The following SEC24A variants were observed in gnomAD, a reference collection of about 807,000 sequenced individuals.
SEC24A encodes SEC24 homolog A, COPII component.
In SEC24A, 93 loss-of-function variants were observed where a neutral mutation model predicts 129.4. The observed-to-expected ratio is 0.72, with a 90% confidence interval of 0.61 to 0.85. The LOEUF (loss-of-function observed/expected upper bound fraction) is 0.85, where lower values mean the gene tolerates loss of function less well. Ranked by LOEUF, SEC24A falls within the 40% of genes least tolerant of loss-of-function variation. The probability of loss-of-function intolerance (pLI) is 0.00; values close to 1 mark genes in which losing one functional copy is unlikely to be tolerated. For missense variants in SEC24A, 1,264 were observed against 1,307.4 expected (o/e 0.97, Z 0.51); for synonymous variants, 460 against 467.3 (o/e 0.98, Z 0.20).
intron 9 of SEC24A, 114 bp downstream of exon 9, chr5:134,682,596 C>T (rs1227739605): frequency 2.1e-5 from 12 of 562,240 alleles, no homozygotes; most frequent in Non-Finnish European, 3.5e-5. Flanking sequence ...GACAGAGTTT[C>T]ACTCTCATTG....
At chr5:134,697,461 G>A (rs568957841) in intron 14 of SEC24A, among the ~76,000 whole-genome samples, 5 of 152,220 alleles carry the variant, frequency 3.3e-5, no homozygotes, top group South Asian at 4.2e-4. Flanking sequence ...AATGCAGGCC[G>A]GGTATGATGG....
At position 134,691,502 on chromosome 5, in the gene SEC24A, CT is replaced by C. The variant is rs557222613; in HGVS notation, c.1724-1085del. On this transcript the variant is annotated intron_variant, in intron 11 of 22. Coordinates refer to ENST00000398844, the MANE Select transcript of SEC24A (RefSeq NM_021982.3). Reference sequence around the variant, plus strand: ...TTTTAAAGGCACTGGTGTGGGCCTTCTTTTTTTTTTTTTTTGAGACGAGTCT... The same window carrying C: ...TTTTAAAGGCACTGGTGTGGGCCTTCTTTTTTTTTTTTTTGAGACGAGTCT... 2.3e-3 allele frequency among the ~76,000 whole-genome samples: 289 copies of C among 125,340 alleles called. 1 individual carries two copies. The highest frequency in any genetic ancestry group is 2.5e-3 in the Non-Finnish European group (145 of 58,300). The allele number at this position is 125,340 out of a possible 152,430, so 82.2% of individuals were successfully genotyped here.
chr5:134,652,906 T>C (rs1352292053), intron 1 of SEC24A, among the ~76,000 whole-genome samples: 1 of 152,112 alleles, frequency 6.6e-6, no homozygotes, highest in African/African-American at 2.4e-5. Flanking sequence ...GCCATTCTCT[T>C]GCCTCAGCCT....
At chr5:134,694,975 A>G (rs929695225) in intron 13 of SEC24A, among the ~76,000 whole-genome samples, 14 of 152,136 alleles carry the variant, frequency 9.2e-5, no homozygotes, top group Non-Finnish European at 7.4e-5. Context: ...TATACTGGGT[A>G]TGGTATCATT....
Position 134,725,184 on chromosome 5 carries a change from TTG to T in SEC24A, c.*93_*94del. On this transcript the variant is annotated 3_prime_UTR_variant, in exon 23 of 23. Coordinates refer to ENST00000398844, the MANE Select transcript of SEC24A (RefSeq NM_021982.3). ...GTAATACCTTCTTTTTCTATTATGTTTGTGGACTAATGTGATGATTGAGATGT... is the reference window on the plus strand; with the variant it reads ...GTAATACCTTCTTTTTCTATTATGTTTGGACTAATGTGATGATTGAGATGT... 1 of 680,346 alleles carries T rather than the reference TTG, an allele frequency of 1.5e-6. No homozygotes were observed. The highest frequency in any genetic ancestry group is 1.8e-5 in the South Asian group (1 of 54,058). The allele number at this position is 680,346 out of a possible 1,614,324, so 42.1% of individuals were successfully genotyped here.
At chr5:134,681,451 TG>T (rs1751270440) in intron 8 of SEC24A, among the ~76,000 whole-genome samples, 2 of 151,152 alleles carry the variant, frequency 1.3e-5, no homozygotes, top group African/African-American at 2.4e-5. Flanking sequence ...TTTGTGTGTG[TG>T]TGTGTGTGTG....
chr5:134,693,082 G>A, intron 12 of SEC24A: 2 of 1,535,990 alleles, frequency 1.3e-6, no homozygotes, highest in South Asian at 1.2e-5. Flanking sequence ...CCTGGAAATT[G>A]CCATGAGATA....
At chr5:134,717,257 A>T (rs1752502884) in intron 19 of SEC24A, among the ~76,000 whole-genome samples, 1 of 152,004 alleles carries the variant, frequency 6.6e-6, no homozygotes, top group Non-Finnish European at 1.5e-5. Flanking sequence ...TAATCCCAGC[A>T]CTTTGGGAGG....
chr5:134,671,717 A>G, intron 3 of SEC24A, 92 bp from the exon 4 acceptor site: 1 of 744,472 alleles, frequency 1.3e-6, no homozygotes, highest in East Asian at 3.1e-5. Flanking sequence ...GTTGTTTAGA[A>G]AATTATTTAA....
intron 1 of SEC24A, among the ~76,000 whole-genome samples, chr5:134,653,335 G>A (rs183435514): frequency 6.6e-6 from 1 of 151,988 alleles, no homozygotes; most frequent in Non-Finnish European, 1.5e-5. Flanking sequence ...CTGCAGCCTC[G>A]AACCTCCTGG....
intron 19 of SEC24A, among the ~76,000 whole-genome samples, chr5:134,717,657 G>A (rs1400612670): frequency 2.6e-5 from 4 of 151,132 alleles, no homozygotes; most frequent in Non-Finnish European, 4.4e-5. Context: ...GGTAGCTCAC[G>A]CCTGTAACAG....
At chr5:134,697,840 C>G (rs1751873706) in intron 14 of SEC24A, 59 bp from the exon 15 acceptor site, 1 of 1,486,928 alleles carries the variant, frequency 6.7e-7, no homozygotes, top group Non-Finnish European at 9.1e-7. Context: ...TCTTTAGTTA[C>G]TTTGGTGTAG....
At chr5:134,692,057 CTTT>C (rs61531967) in intron 11 of SEC24A, among the ~76,000 whole-genome samples, 2 of 127,932 alleles carry the variant, frequency 1.6e-5, no homozygotes, top group African/African-American at 2.9e-5. Context: ...TTTTTCTTTC[CTTT>C]TTTTTTTTTT....
Position 134,727,605 on chromosome 5 carries a change from T to C in SEC24A, c.*2511T>C, listed in dbSNP as rs1476344161. 6.6e-6 allele frequency: 1 copy of C among 152,604 alleles called. No individual in the cohort carries two copies. Among genetic ancestry groups the C allele is most frequent in the Non-Finnish European group, 1.5e-5 (1 of 68,016 alleles). The allele number at this position is 152,604 out of a possible 1,614,324, so 9.5% of individuals were successfully genotyped here. ...ACCACCAAATGTGATTTCAAAATTT[T>C]GTTAACTATTACAAATGTAATCCTT... On this transcript the variant is annotated 3_prime_UTR_variant, in exon 23 of 23. Coordinates refer to ENST00000398844, the MANE Select transcript of SEC24A (RefSeq NM_021982.3).
rs564895129 is a variant in SEC24A, at chr5:134,693,300, A to T, written c.1780-427A>T. The T allele has an allele frequency of 2.1e-4, 300 of 1,403,662 alleles. No individual in the cohort carries two copies. In the African/African-American group the frequency reaches 3.8e-3, roughly 18 times the overall value. 87.0% of individuals were successfully genotyped at this position (1,403,662 alleles called of 1,614,324 possible). A position where few individuals can be genotyped will look rare whatever the true frequency, so the allele number is the denominator to read the frequency against. ...GTAAAGGTAGTTGTTTTTCTTTTGT[A>T]GTGATATTACTAGTTGGCAAAGTTA... On this transcript the variant is annotated intron_variant, in intron 12 of 22. Transcript: ENST00000398844.
chr5:134,659,119 T>C (rs1177575560), intron 1 of SEC24A, among the ~76,000 whole-genome samples: 1 of 151,564 alleles, frequency 6.6e-6, no homozygotes, highest in South Asian at 2.1e-4. Context: ...TCACCCAGGC[T>C]GGAGTGCAGT....
At position 134,707,335 on chromosome 5, in the gene SEC24A, A is replaced by AT. The variant is rs765591468; in HGVS notation, c.2552-1366dup. Reference sequence around the variant, plus strand: ...ATCACTGCCTTTATTTTATTTATTTATTTTTTTTTTTTGAGGTGGAGTCTC... The same window carrying AT: ...ATCACTGCCTTTATTTTATTTATTTATTTTTTTTTTTTTGAGGTGGAGTCTC... On this transcript the variant is annotated intron_variant, in intron 17 of 22. Coordinates refer to ENST00000398844, the MANE Select transcript of SEC24A (RefSeq NM_021982.3). Among the ~76,000 whole-genome samples the AT allele has an allele frequency of 8.1e-3, 1,169 of 145,076 alleles. 26 individuals are homozygous for AT. The highest frequency in any genetic ancestry group is 0.049 in the Admixed American group (713 of 14,434).
intron 18 of SEC24A, among the ~76,000 whole-genome samples, chr5:134,711,580 T>C (rs1040834299): frequency 2.0e-5 from 3 of 151,434 alleles, no homozygotes; most frequent in Admixed American, 2.0e-4. Flanking sequence ...TTTTTTTTTT[T>C]TTTTTAACAG....
At chr5:134,684,255 G>GT (rs1751372355) in intron 9 of SEC24A, among the ~76,000 whole-genome samples, 1 of 146,608 alleles carries the variant, frequency 6.8e-6, no homozygotes, top group Non-Finnish European at 1.5e-5. Context: ...GTGAGCCAAG[G>GT]TTGCGCCACC....
Sources: allele counts gnomAD v4.1 joint callset (sites outside exome capture counted in the v4.1 genomes callset), GRCh38; gene constraint gnomAD v4.1.1; transcripts MANE v1.5; gene names NCBI Gene and HGNC (gene_info 2026-07-23, HGNC 2026-07-21).